Variants in CBL observed in about 807,000 individuals in gnomAD.
CBL encodes Cbl proto-oncogene.
In CBL, 45 loss-of-function variants were observed where a neutral mutation model predicts 96.9. The observed-to-expected ratio is 0.46, with a 90% CI of 0.37 to 0.60. The LOEUF is 0.60. Among genes scored for constraint, CBL ranks in the 20% least tolerant of loss-of-function variants. The pLI is 0.00. For missense variants in CBL, 1,024 were observed against 1,143.5 expected (o/e 0.90, Z 1.51); for synonymous variants, 420 against 426.8 (o/e 0.98, Z 0.20).
intron 11 of CBL, among the ~76,000 whole-genome samples, chr11:119,285,853 G>A (rs925293087): frequency 2.0e-5 from 3 of 151,782 alleles, no homozygotes; most frequent in Admixed American, 6.6e-5. Context: ...CCATGATGGC[G>A]CCACTGCACT....
chr11:119,255,445 C>T (rs969466227), intron 2 of CBL, among the ~76,000 whole-genome samples: 1 of 152,028 alleles, frequency 6.6e-6, no homozygotes, highest in African/African-American at 2.4e-5. Context: ...TATGTTTTTT[C>T]CCTGTATTAT....
At position 119,298,343 on chromosome 11, in the gene CBL, CT is replaced by C; in HGVS notation, c.2252-14del. The C allele has an allele frequency of 1.2e-6, 2 of 1,612,538 alleles. No homozygotes were observed. The highest frequency in any genetic ancestry group is 1.7e-6 in the Non-Finnish European group (2 of 1,178,520). On this transcript the variant is annotated splice_polypyrimidine_tract_variant and intron_variant, in intron 14 of 15. Transcript: ENST00000264033. ...AGTGCGTCAGAAGAAGATAACATCA[CT>C]CATTTTTCTCCAGGTGAAGGGAATT...
chr11:119,264,837 T>C (rs1387383375), intron 2 of CBL, among the ~76,000 whole-genome samples: 1 of 152,208 alleles, frequency 6.6e-6, no homozygotes, highest in Non-Finnish European at 1.5e-5. Flanking sequence ...ATAACCACCA[T>C]ATACCAATCT....
intron 2 of CBL, among the ~76,000 whole-genome samples, chr11:119,235,075 C>T (rs1481095447): frequency 1.3e-5 from 2 of 152,040 alleles, no homozygotes; most frequent in African/African-American, 4.8e-5. Context: ...GATAGGCTGT[C>T]ATAGAACAGG....
Position 119,255,337 on chromosome 11 carries a change from C to G in CBL, c.444-16398C>G, listed in dbSNP as rs182539152. 5.7e-3 allele frequency among the ~76,000 whole-genome samples: 861 copies of G among 152,070 alleles called. 3 individuals are homozygous for G. The highest frequency in any genetic ancestry group is 0.017 in the Middle Eastern group (5 of 292). On this transcript the variant is annotated intron_variant, in intron 2 of 15. Transcript: ENST00000264033. ...CAGAAAGAACAAAAAGATCAGTTGG[C>G]CAAATTTGGTAATCCAGGTGAGATC...
chr11:119,206,676 G>A lies in CBL; in HGVS notation c.195+64G>A. 4.6e-6 allele frequency: 6 copies of A among 1,305,418 alleles called. No homozygotes were observed. The Admixed American group carries it at 6.9e-5, about 15-fold the overall frequency. 80.9% of individuals were successfully genotyped at this position (1,305,418 alleles called of 1,614,324 possible). A position where few individuals can be genotyped will look rare whatever the true frequency, so the allele number is the denominator to read the frequency against. Reference sequence around the variant, plus strand: ...CGTGGGCGGAGGGCCGCGGGGAGGGGAACGAGCGGACGGAGGAAGCGGGGG... The same window carrying A: ...CGTGGGCGGAGGGCCGCGGGGAGGGAAACGAGCGGACGGAGGAAGCGGGGG... On this transcript the variant is annotated intron_variant, in intron 1 of 15. Transcript: ENST00000264033.
intron 2 of CBL, 84 bp downstream of exon 2, chr11:119,232,779 T>G: frequency 7.7e-7 from 1 of 1,305,090 alleles, no homozygotes; most frequent in Middle Eastern, 2.6e-4. Context: ...GAGTTGGTTT[T>G]AATTTTATGT....
At chr11:119,292,769 A>G (rs1002271486) in intron 12 of CBL, among the ~76,000 whole-genome samples, 1 of 152,178 alleles carries the variant, frequency 6.6e-6, no homozygotes, top group Non-Finnish European at 1.5e-5. Flanking sequence ...AACTGAGACT[A>G]TAGATGTGTG....
chr11:119,259,354 A>G (rs1030399041), intron 2 of CBL, among the ~76,000 whole-genome samples: 1 of 151,924 alleles, frequency 6.6e-6, no homozygotes, highest in Non-Finnish European at 1.5e-5. Context: ...CTTAAGATAC[A>G]TTTGTGATTT....
chr11:119,218,962 A>G (rs985807584), intron 1 of CBL, among the ~76,000 whole-genome samples: 1 of 152,210 alleles, frequency 6.6e-6, no homozygotes, highest in African/African-American at 2.4e-5. Context: ...TCATGCCTGT[A>G]ATCCCAGCAC....
chr11:119,246,721 G>A (rs1418362454), intron 2 of CBL, among the ~76,000 whole-genome samples: 2 of 152,186 alleles, frequency 1.3e-5, no homozygotes, highest in African/African-American at 4.8e-5. Flanking sequence ...CAAAGTGTTG[G>A]GATTACAGGT....
At chr11:119,245,614 A>T (rs1338454194) in intron 2 of CBL, among the ~76,000 whole-genome samples, 2 of 152,032 alleles carry the variant, frequency 1.3e-5, no homozygotes, top group Non-Finnish European at 2.9e-5. Flanking sequence ...CTGTAATCCC[A>T]GCTACTCGGG....
intron 1 of CBL, among the ~76,000 whole-genome samples, chr11:119,227,522 A>AT (rs1401616506): frequency 6.6e-6 from 1 of 150,546 alleles, no homozygotes; most frequent in Non-Finnish European, 1.5e-5. Context: ...ATATTAGCCT[A>AT]TTTTAATTCT....
intron 2 of CBL, among the ~76,000 whole-genome samples, chr11:119,246,222 C>T (rs991648940): frequency 1.3e-5 from 2 of 151,896 alleles, no homozygotes; most frequent in African/African-American, 2.4e-5. Flanking sequence ...ATCCGCCTGC[C>T]TCGGCCTCCC....
intron 2 of CBL, among the ~76,000 whole-genome samples, chr11:119,266,018 C>CAAAAAAAAAAAAAAAAAAAAAA (rs398017759): frequency 1.3e-5 from 1 of 76,038 alleles, no homozygotes; most frequent in Non-Finnish European, 2.4e-5. Context: ...GACTCCATCT[C>CAAAAAAAAAAAAAAAAAAAAAA]AAAAAAAAAA....
At position 119,299,677 on chromosome 11, in the gene CBL, G is replaced by C. The variant is rs1180934428; in HGVS notation, c.2617G>C (p.Asp873His). Residue 873 changes from aspartate (D) to histidine (H), a missense_variant, in exon 16 of 16, where the codon GAC becomes CAC. This residue lies in a region of CBL where 695 missense variants were observed against 661.6 expected (regional missense o/e 1.05). Coordinates refer to ENST00000264033, the MANE Select transcript of CBL (RefSeq NM_005188.4). ...NLMSQGYSYQ[D>H]IQKALVIAQN... ...CATGAGTCAGGGGTACTCCTACCAG[G>C]ACATCCAGAAAGCTTTGGTCATTGC... 4 of 1,614,082 alleles carry C rather than the reference G, an allele frequency of 2.5e-6. No homozygotes were observed. Among genetic ancestry groups the C allele is most frequent in the Non-Finnish European group, 3.4e-6 (4 of 1,180,042 alleles).
intron 2 of CBL, among the ~76,000 whole-genome samples, chr11:119,270,437 T>TATATATATATATATA (rs1491342887): frequency 5.4e-5 from 1 of 18,396 alleles, no homozygotes; most frequent in African/African-American, 3.4e-4. Context: ...TATATATATA[T>TATATATATATATATA]TTTTTTTTTT....
In CBL at chr11:119,298,469, G is replaced by A. The variant is rs150811339; in HGVS notation, c.2363G>A (p.Arg788Gln). Residue 788 changes from arginine (R) to glutamine (Q), a missense_variant, in exon 15 of 16, where the codon CGA (arginine) becomes CAA (glutamine). Around this residue, in one of 4 missense-constraint regions of CBL, gnomAD observed 695 missense variants for 661.6 expected, o/e 1.05. Transcript: ENST00000264033. ...CCTGTGCCGGCCGTGCTGGCCCGCC[G>A]AACTCTCTCAGATATCTCTAATGCC... ...KPPVPAVLAR[R>Q]TLSDISNASS... The A allele has an allele frequency of 5.6e-5, 91 of 1,614,180 alleles. No individual in the cohort carries two copies. The African/African-American group carries it at 8.1e-4, about 14-fold the overall frequency.
intron 2 of CBL, among the ~76,000 whole-genome samples, chr11:119,251,028 A>G (rs763320970): frequency 1.3e-5 from 2 of 152,202 alleles, no homozygotes; most frequent in Non-Finnish European, 2.9e-5. Context: ...CAGTCCTTGT[A>G]GTTCCATCTT....
Sources: gnomAD v4.1 joint callset for allele counts (sites outside exome capture counted in the v4.1 genomes callset) on GRCh38, gnomAD v4.1.1 for gene constraint, gnomAD v4.1.1 regional missense constraint, MANE v1.5 for transcripts, NCBI Gene and HGNC (gene_info 2026-07-23, HGNC 2026-07-21) for gene names.